The following VMP1 variants were observed in gnomAD, a reference collection of about 807,000 sequenced individuals.
VMP1 encodes the protein vacuole membrane protein 1.
Under a neutral mutation model 56.0 loss-of-function variants are expected in VMP1, and 11 were observed. That is an observed-to-expected ratio of 0.20 (90% CI 0.12 to 0.32). The LOEUF is 0.32. Among genes scored for constraint, VMP1 ranks in the 10% least tolerant of loss-of-function variants. The probability of loss-of-function intolerance (pLI) is 1.00; values close to 1 mark genes in which losing one functional copy is unlikely to be tolerated. For synonymous variants in VMP1, 149 were observed against 165.0 expected (o/e 0.90, Z 0.74); for missense variants, 296 against 490.3 (o/e 0.60, Z 3.74).
intron 10 of VMP1, among the ~76,000 whole-genome samples, chr17:59,830,005 G>T (rs1039853288): frequency 9.2e-5 from 14 of 152,088 alleles, no homozygotes; most frequent in African/African-American, 3.4e-4. Context: ...TACATACAGT[G>T]GTCCTCATTC....
In VMP1 at chr17:59,839,849, A is replaced by G. The variant is rs1205913678; in HGVS notation, c.1159A>G (p.Met387Val). 3 of 1,613,254 alleles carry G rather than the reference A, an allele frequency of 1.9e-6. No individual in the cohort carries two copies. Among genetic ancestry groups the G allele is most frequent in the Admixed American group, 1.7e-5 (1 of 59,748 alleles). Reference protein sequence around the residue: ...CYFILSIINSMAQSYAKRIQQ... With the variant: ...CYFILSIINSVAQSYAKRIQQ... The stretch of plus-strand genomic sequence containing the variant: ...CTTCATCCTATCTATCATTAACTCC[A>G]TGGCACAAAGTTATGCCAAACGAAT... The change falls in exon 12 of 12, where the codon ATG (methionine) becomes GTG (valine). Residue 387 changes from methionine to valine, a missense_variant. Met to Val is a conservative substitution (Grantham distance 21). Coordinates refer to ENST00000262291, the MANE Select transcript of VMP1 (RefSeq NM_030938.5).
At chr17:59,714,181 G>A (rs542566712) in intron 1 of VMP1, among the ~76,000 whole-genome samples, 3 of 151,760 alleles carry the variant, frequency 2.0e-5, no homozygotes, top group Non-Finnish European at 2.9e-5. Context: ...GTTCAAGATC[G>A]AGTGGCCACA....
At chr17:59,826,348 C>G (rs1481288967) in intron 10 of VMP1, among the ~76,000 whole-genome samples, 1 of 152,120 alleles carries the variant, frequency 6.6e-6, no homozygotes, top group Non-Finnish European at 1.5e-5. Context: ...TTTAATGGAG[C>G]ATTTTAGTAG....
intron 7 of VMP1, among the ~76,000 whole-genome samples, chr17:59,776,255 G>T (rs896076628): frequency 2.6e-5 from 4 of 151,960 alleles, no homozygotes; most frequent in Non-Finnish European, 5.9e-5. Context: ...AACCAAGTAT[G>T]GTTATAGTTT....
At chr17:59,777,579 A>C (rs2036665266) in intron 7 of VMP1, among the ~76,000 whole-genome samples, 1 of 151,986 alleles carries the variant, frequency 6.6e-6, no homozygotes, top group South Asian at 2.1e-4. Flanking sequence ...TGGGAGGCCG[A>C]GGTGGGTGGA....
chr17:59,775,530 C>T (rs2036591362), intron 7 of VMP1, among the ~76,000 whole-genome samples: 1 of 151,454 alleles, frequency 6.6e-6, no homozygotes, highest in South Asian at 2.1e-4. Flanking sequence ...CTATGTTGCC[C>T]AGGCTGGCCT....
intron 10 of VMP1, among the ~76,000 whole-genome samples, chr17:59,820,974 G>T (rs797006706): frequency 0.057 from 7,830 of 138,448 alleles, 407 homozygotes; most frequent in African/African-American, 0.13. Flanking sequence ...TCTTTTTTTT[G>T]TTTTTTTTTT....
chr17:59,834,752 G>A (rs1315313650), intron 10 of VMP1, among the ~76,000 whole-genome samples: 3 of 152,016 alleles, frequency 2.0e-5, no homozygotes, highest in African/African-American at 7.2e-5. Context: ...AGCCTCTTGA[G>A]TAGCTGGGAT....
chr17:59,730,274 CTT>C (rs544721328), intron 1 of VMP1, among the ~76,000 whole-genome samples: 1 of 145,478 alleles, frequency 6.9e-6, no homozygotes, highest in African/African-American at 2.5e-5. Flanking sequence ...TTTTCACTTT[CTT>C]TTTTTTTTTG....
At chr17:59,778,829 C>T (rs1263431146) in intron 7 of VMP1, among the ~76,000 whole-genome samples, 2 of 152,194 alleles carry the variant, frequency 1.3e-5, no homozygotes, top group Non-Finnish European at 2.9e-5. Flanking sequence ...AATTGATACA[C>T]ATTCAGTACA....
chr17:59,783,987 T>TA (rs1402740103), intron 7 of VMP1, among the ~76,000 whole-genome samples: 1 of 152,186 alleles, frequency 6.6e-6, no homozygotes, highest in Non-Finnish European at 1.5e-5. Context: ...TTTTCTTCAT[T>TA]ACTTGGCCCC....
At chr17:59,766,520 A>G (rs2036237158) in intron 6 of VMP1, among the ~76,000 whole-genome samples, 1 of 152,090 alleles carries the variant, frequency 6.6e-6, no homozygotes, top group Non-Finnish European at 1.5e-5. Context: ...ACAAGAAAAT[A>G]TTATGTTCTT....
At chr17:59,822,925 C>T (rs1429952701) in intron 10 of VMP1, among the ~76,000 whole-genome samples, 2 of 151,934 alleles carry the variant, frequency 1.3e-5, no homozygotes, top group East Asian at 1.9e-4. Context: ...TACAAAAAAA[C>T]GCACTAACAA....
intron 9 of VMP1, among the ~76,000 whole-genome samples, 169 bp from the exon 10 acceptor site, chr17:59,817,543 G>A (rs1449842191): frequency 6.6e-6 from 1 of 151,464 alleles, no homozygotes; most frequent in Admixed American, 6.6e-5. Context: ...GTAGAGACGG[G>A]GTTTCACCAT....
At chr17:59,784,136 T>TGAGAGA (rs1182813441) in intron 7 of VMP1, among the ~76,000 whole-genome samples, 1 of 136,246 alleles carries the variant, frequency 7.3e-6, no homozygotes, top group African/African-American at 3.1e-5. Flanking sequence ...TGTGTGTGTG[T>TGAGAGA]GTGTGTGAGA....
chr17:59,838,007 A>G, intron 10 of VMP1: 1 of 245,488 alleles, frequency 4.1e-6, no homozygotes, highest in Non-Finnish European at 7.9e-6. Context: ...CTTTTGCTGG[A>G]AGCGGTTTCT....
intron 10 of VMP1, among the ~76,000 whole-genome samples, chr17:59,827,826 C>T (rs1420280329): frequency 3.3e-5 from 5 of 151,882 alleles, no homozygotes; most frequent in Non-Finnish European, 7.4e-5. Context: ...CCCAGCTACT[C>T]GGAAGGTTGA....
chr17:59,827,580 A>T (rs1205074734), intron 10 of VMP1, among the ~76,000 whole-genome samples: 1 of 152,004 alleles, frequency 6.6e-6, no homozygotes, highest in Admixed American at 6.6e-5. Flanking sequence ...AAGTGCTGGG[A>T]TTACAGGCAT....
intron 5 of VMP1, among the ~76,000 whole-genome samples, chr17:59,740,150 T>C (rs1350498748): frequency 6.6e-6 from 1 of 151,720 alleles, no homozygotes; most frequent in Non-Finnish European, 1.5e-5. Context: ...TTCACAAATA[T>C]ACTGGAATAA....
Sources: allele counts gnomAD v4.1 joint callset (sites outside exome capture counted in the v4.1 genomes callset), GRCh38; gene constraint gnomAD v4.1.1; transcripts MANE v1.5; gene names NCBI Gene and HGNC (gene_info 2026-07-23, HGNC 2026-07-21).